ABI1: variants seen among roughly 807,000 people sequenced by gnomAD.
ABI1 encodes abl interactor 1, also known as Abelson interactor 1.
ABI1 carries 14 observed loss-of-function variants against 54.6 expected under a neutral mutation model. The ratio of observed to expected loss-of-function variants is 0.26; its 90% CI spans 0.17 to 0.40. The LOEUF (loss-of-function observed/expected upper bound fraction) is 0.40, where lower values mean the gene tolerates loss of function less well. Among genes scored for constraint, ABI1 ranks in the 10% least tolerant of loss-of-function variants. The pLI, the probability that ABI1 is intolerant of heterozygous loss-of-function variation, is 1.00. For synonymous variants in ABI1, 194 were observed against 209.3 expected (o/e 0.93, Z 0.63); for missense variants, 443 against 598.3 (o/e 0.74, Z 2.71).
intron 2 of ABI1, among the ~76,000 whole-genome samples, chr10:26,794,045 C>T (rs1221945591): frequency 1.3e-5 from 2 of 152,086 alleles, no homozygotes; most frequent in Non-Finnish European, 1.5e-5. Flanking sequence ...GAGTTCAAGA[C>T]CAGCCTGGCC....
At chr10:26,807,424 G>A (rs1440244413) in intron 2 of ABI1, among the ~76,000 whole-genome samples, 1 of 152,102 alleles carries the variant, frequency 6.6e-6, no homozygotes, top group Non-Finnish European at 1.5e-5. Context: ...CAAGGCTGCA[G>A]TGAACCATAA....
chr10:26,813,254 CAA>C (rs753373576), intron 2 of ABI1, among the ~76,000 whole-genome samples: 8 of 134,800 alleles, frequency 5.9e-5, no homozygotes, highest in African/African-American at 5.5e-5. Flanking sequence ...ATCCCCCCGC[CAA>C]AAAAAAAAAA....
intron 2 of ABI1, among the ~76,000 whole-genome samples, chr10:26,800,813 C>G (rs2046503508): frequency 6.6e-6 from 1 of 152,072 alleles, no homozygotes; most frequent in African/African-American, 2.4e-5. Flanking sequence ...TCGAGACCAG[C>G]CTTACCAACA....
chr10:26,823,440 T>A (rs1361928848), intron 1 of ABI1, 135 bp from the exon 2 acceptor site: 1 of 730,290 alleles, frequency 1.4e-6, no homozygotes, highest in East Asian at 3.3e-5. Flanking sequence ...AATATGATAG[T>A]CTCAGGATAC....
At position 26,768,966 on chromosome 10, in the gene ABI1, T is replaced by C. The variant is rs145334684; in HGVS notation, c.605A>G (p.Glu202Gly). 124 of 1,612,046 alleles carry C rather than the reference T, an allele frequency of 7.7e-5. No homozygotes were observed. The highest frequency in any genetic ancestry group is 1.0e-4 in the Non-Finnish European group (122 of 1,178,886). The change falls in exon 6 of 11, where the codon GAA becomes GGA. Residue 202 changes from glutamate to glycine, a missense_variant. Around this residue, in one of 2 missense-constraint regions of ABI1, gnomAD observed 394 missense variants for 484.8 expected, o/e 0.81. Transcript: ENST00000376140. ...LGRNTPYKTL[E>G]PVKPPTVPND... ...AGGAACTGTTGGGGGTTTAACAGGT[T>C]CCAGGGTTTTATAAGGAGTATTCCG...
intron 2 of ABI1, among the ~76,000 whole-genome samples, chr10:26,822,482 C>T (rs955954134): frequency 9.9e-5 from 15 of 151,970 alleles, no homozygotes; most frequent in Non-Finnish European, 1.8e-4. Flanking sequence ...AACATGTGAA[C>T]ACATAAACAA....
intron 2 of ABI1, among the ~76,000 whole-genome samples, chr10:26,792,988 C>T (rs561306721): frequency 6.6e-6 from 1 of 152,178 alleles, no homozygotes; most frequent in Admixed American, 6.5e-5. Context: ...CATAGCAACA[C>T]TACTTAACGT....
intron 5 of ABI1, 113 bp downstream of exon 5, chr10:26,770,132 A>G: frequency 2.7e-6 from 2 of 750,476 alleles, no homozygotes; most frequent in South Asian, 1.7e-5. Flanking sequence ...TGTAAAAGGT[A>G]GCGTCACATA....
intron 2 of ABI1, among the ~76,000 whole-genome samples, chr10:26,795,036 C>T (rs952299063): frequency 5.3e-5 from 8 of 151,482 alleles, no homozygotes; most frequent in South Asian, 2.1e-4. Context: ...CCCAGCTACT[C>T]GGGAGGCTGA....
intron 1 of ABI1, among the ~76,000 whole-genome samples, chr10:26,846,429 G>A (rs369706350): frequency 6.1e-5 from 9 of 148,326 alleles, no homozygotes; most frequent in South Asian, 2.1e-4. Context: ...TGCAACCTCC[G>A]CCTCCCAGGT....
At chr10:26,823,067 G>A (rs985441327) in intron 2 of ABI1, 71 bp downstream of exon 2, 3 of 1,325,880 alleles carry the variant, frequency 2.3e-6, no homozygotes, top group African/African-American at 3.1e-5. Context: ...CATACATGCA[G>A]GCTATTTACT....
chr10:26,816,948 G>C (rs1278440236), intron 2 of ABI1, among the ~76,000 whole-genome samples: 1 of 150,678 alleles, frequency 6.6e-6, no homozygotes, highest in African/African-American at 2.4e-5. Flanking sequence ...TAAAAACTAG[G>C]TTCTATTATA....
At chr10:26,847,787 G>A (rs1485678595) in intron 1 of ABI1, among the ~76,000 whole-genome samples, 1 of 151,932 alleles carries the variant, frequency 6.6e-6, no homozygotes, top group Non-Finnish European at 1.5e-5. Flanking sequence ...AATAAAAGGG[G>A]GAAAATGCCA....
chr10:26,818,935 G>A (rs945402384), intron 2 of ABI1, among the ~76,000 whole-genome samples: 1 of 152,194 alleles, frequency 6.6e-6, no homozygotes, highest in Admixed American at 6.5e-5. Flanking sequence ...AGAGGTTGCA[G>A]TGAGCCGAGA....
intron 7 of ABI1, among the ~76,000 whole-genome samples, chr10:26,762,168 G>A (rs908403310): frequency 4.6e-5 from 7 of 151,952 alleles, no homozygotes; most frequent in South Asian, 2.1e-4. Context: ...CACCATGCCC[G>A]GCTAAATTTT....
intron 2 of ABI1, among the ~76,000 whole-genome samples, chr10:26,805,132 G>A (rs2046800895): frequency 6.6e-6 from 1 of 152,188 alleles, no homozygotes; most frequent in African/African-American, 2.4e-5. Context: ...AGCTGTGTCT[G>A]CAACACTTCA....
At chr10:26,781,096 T>C (rs540024605) in intron 2 of ABI1, among the ~76,000 whole-genome samples, 36 of 152,334 alleles carry the variant, frequency 2.4e-4, no homozygotes, top group Middle Eastern at 3.4e-3. Context: ...TACAAGTCTG[T>C]GCACAGATGA....
At chr10:26,842,162 C>A (rs1458419338) in intron 1 of ABI1, among the ~76,000 whole-genome samples, 1 of 152,184 alleles carries the variant, frequency 6.6e-6, no homozygotes, top group Non-Finnish European at 1.5e-5. Context: ...TGGTTTTGAT[C>A]TGCATTTCTG....
Position 26,777,054 on chromosome 10 carries a change from A to G in ABI1, c.462+11T>C. On this transcript the variant is annotated intron_variant, in intron 3 of 10. Coordinates refer to ENST00000376140, the MANE Select transcript of ABI1 (RefSeq NM_001012750.3). ...GCAAATTAGCTTGTTAATGTAATAT[A>G]AAATGCTTACCTTGACACCATGGCC... 6.4e-7 allele frequency: 1 copy of G among 1,562,950 alleles called. No homozygotes were observed. The highest frequency in any genetic ancestry group is 8.6e-7 in the Non-Finnish European group (1 of 1,160,204).
Sources: allele counts gnomAD v4.1 joint callset (sites outside exome capture counted in the v4.1 genomes callset), GRCh38; gene constraint gnomAD v4.1.1; regional missense constraint gnomAD v4.1.1; transcripts MANE v1.5; gene names NCBI Gene and HGNC (gene_info 2026-07-23, HGNC 2026-07-21).